Variants in FAM193B observed in about 807,000 individuals in gnomAD.
FAM193B encodes family with sequence similarity 193 member B, also known as protein FAM193B.
A neutral mutation model predicts 70.7 loss-of-function variants in FAM193B; 27 were observed. The ratio of observed to expected loss-of-function variants is 0.38; its 90% CI spans 0.28 to 0.53. FAM193B has a LOEUF of 0.53. FAM193B is among the 20% of genes least tolerant of loss of function. The pLI, the probability that FAM193B is intolerant of heterozygous loss-of-function variation, is 0.81. For missense variants in FAM193B, 1,022 were observed against 1,072.5 expected, an observed-to-expected ratio of 0.95 and a Z score of 0.66; for synonymous variants, 448 against 436.0, an observed-to-expected ratio of 1.03 and a Z score of -0.34.
chr5:177,520,087 A>G lies in FAM193B; in HGVS notation c.*96T>C. On this transcript the variant is annotated 3_prime_UTR_variant, in exon 9 of 9. Coordinates refer to ENST00000514747, the MANE Select transcript of FAM193B (RefSeq NM_001190946.3). ...TGGTGGGGAGCACAGAGGGTCTTGG[A>G]CGGGTAGGTGGGGCACACGGAGGGA... The G allele has an allele frequency of 6.6e-6, 1 of 152,502 alleles. No individual in the cohort carries two copies. The highest frequency in any genetic ancestry group is 1.5e-5 in the Non-Finnish European group (1 of 68,220). 9.4% of individuals were successfully genotyped at this position (152,502 alleles called of 1,614,324 possible).
Position 177,524,514 on chromosome 5 carries a change from G to A in FAM193B, c.1967C>T (p.Pro656Leu). 1 of 1,612,428 alleles carries A rather than the reference G, an allele frequency of 6.2e-7. No individual in the cohort carries two copies. The highest frequency in any genetic ancestry group is 2.2e-5 in the East Asian group (1 of 44,872). Residue 656 changes from proline to leucine, a missense_variant, in exon 6 of 9, where the codon CCA (proline) becomes CTA (leucine). Physicochemically the swap from Pro to Leu is moderately conservative, Grantham distance 98 (BLOSUM62 -3). Coordinates refer to ENST00000514747, the MANE Select transcript of FAM193B (RefSeq NM_001190946.3). ...GGCACTGGGAACCTCTAGGCTGGCT[G>A]GGGGCCGGGGGGCTGGGCTTGCCTC... The part of the protein sequence containing the change: ...KSEASPAPRP[P>L]ASLEVPSAKG...
intron 5 of FAM193B, among the ~76,000 whole-genome samples, chr5:177,529,785 C>G (rs751127899): frequency 6.6e-6 from 1 of 152,182 alleles, no homozygotes; most frequent in Non-Finnish European, 1.5e-5. Context: ...GGGGACCTAA[C>G]TGGGAACCAC....
intron 1 of FAM193B, among the ~76,000 whole-genome samples, chr5:177,542,770 A>G (rs1286397292): frequency 6.6e-6 from 1 of 152,064 alleles, no homozygotes; most frequent in Non-Finnish European, 1.5e-5. Flanking sequence ...CTCCTAGTAC[A>G]CTGTGCCTTG....
intron 5 of FAM193B, among the ~76,000 whole-genome samples, chr5:177,526,105 G>C (rs1335144963): frequency 6.6e-6 from 1 of 152,236 alleles, no homozygotes; most frequent in African/African-American, 2.4e-5. Flanking sequence ...CAGCTGGTGA[G>C]AGAAACCAGG....
At chr5:177,531,532 G>C (rs767300576) in intron 5 of FAM193B, 5 of 1,284,744 alleles carry the variant, frequency 3.9e-6, no homozygotes, top group East Asian at 5.2e-5. Context: ...CTGGGGGTGG[G>C]GGGGAGGTGC....
intron 8 of FAM193B, among the ~76,000 whole-genome samples, chr5:177,520,724 C>T (rs1356556349): frequency 6.6e-6 from 1 of 152,148 alleles, no homozygotes; most frequent in African/African-American, 2.4e-5. Flanking sequence ...AGATGAAGTG[C>T]CTGGGGTTCC....
intron 1 of FAM193B, among the ~76,000 whole-genome samples, chr5:177,548,207 G>A (rs181007243): frequency 1.3e-5 from 2 of 152,246 alleles, no homozygotes; most frequent in East Asian, 1.9e-4. Flanking sequence ...GTTTAAAAAC[G>A]TATCTCTAGA....
At chr5:177,543,600 A>G (rs2127482061) in intron 1 of FAM193B, among the ~76,000 whole-genome samples, 1 of 152,314 alleles carries the variant, frequency 6.6e-6, no homozygotes, top group South Asian at 2.1e-4. Context: ...TTCCTCTGCT[A>G]CTTTCATCTC....
intron 1 of FAM193B, among the ~76,000 whole-genome samples, chr5:177,550,052 C>A (rs1447818571): frequency 6.6e-6 from 1 of 152,078 alleles, no homozygotes; most frequent in Non-Finnish European, 1.5e-5. Context: ...TAGTGGCATG[C>A]ACATGTAGTC....
rs775178111 is a variant in FAM193B, at chr5:177,524,025, C to T, written c.2304G>A (p.Val768=). The part of the protein sequence containing the change: ...QEKPASSLDD[V]FLPKDMDGVE... ...CCCCGTCCATGTCCTTGGGCAGGAA[C>T]ACATCGTCTAGGAAGACACAGCCAG... The change falls in exon 7 of 9, where the codon GTG becomes GTA. Residue 768 remains valine, a synonymous_variant. Transcript: ENST00000514747. The T allele has an allele frequency of 2.1e-5, 34 of 1,614,100 alleles. No individual in the cohort carries two copies. The highest frequency in any genetic ancestry group is 2.9e-5 in the Non-Finnish European group (34 of 1,179,912).
chr5:177,538,110 G>A lies in FAM193B; in HGVS notation c.454-3C>T. 6.5e-7 allele frequency: 1 copy of A among 1,532,550 alleles called. No individual in the cohort carries two copies. The allele number at this position is 1,532,550 out of a possible 1,614,324, so 94.9% of individuals were successfully genotyped here. ...CAGGATGTGTGTGACAAGGAGATCTGGAGAAGGGGGAGGAAAAAGGCTCAC... is the reference window on the plus strand; with the variant it reads ...CAGGATGTGTGTGACAAGGAGATCTAGAGAAGGGGGAGGAAAAAGGCTCAC... On this transcript the variant is annotated splice_region_variant and splice_polypyrimidine_tract_variant and intron_variant, in intron 2 of 8. Transcript: ENST00000514747. This position sits in a 1 kb window ranked among gnomAD's most constrained non-coding sequence, Gnocchi z 4.1.
At chr5:177,521,923 G>A in intron 8 of FAM193B, 51 bp downstream of exon 8, 2 of 1,427,294 alleles carry the variant, frequency 1.4e-6, no homozygotes, top group Non-Finnish European at 2.0e-6. Context: ...TACAGAGAGG[G>A]TGGCCAAGCA....
At chr5:177,536,193 G>A in intron 4 of FAM193B, 165 bp downstream of exon 4, 1 of 761,418 alleles carries the variant, frequency 1.3e-6, no homozygotes. Flanking sequence ...GAGTATAGGT[G>A]TGAGCCACTG....
intron 1 of FAM193B, among the ~76,000 whole-genome samples, chr5:177,541,699 G>A (rs1380935858): frequency 3.9e-5 from 6 of 152,140 alleles, no homozygotes; most frequent in Admixed American, 1.3e-4. Context: ...GATTACAGGC[G>A]TGAGCCACTG....
chr5:177,530,665 A>C (rs968640607), intron 5 of FAM193B, among the ~76,000 whole-genome samples: 9 of 152,062 alleles, frequency 5.9e-5, no homozygotes, highest in Non-Finnish European at 1.2e-4. Flanking sequence ...ACCCTCAGTG[A>C]CTTCTCTCAC....
rs986089728 is a variant in FAM193B at position 177,540,226 on chromosome 5, G to T, written c.211-1079C>A. Among the ~76,000 whole-genome samples the T allele has an allele frequency of 6.0e-4, 90 of 149,582 alleles. 1 individual carries two copies. The highest frequency in any genetic ancestry group is 1.5e-3 in the Admixed American group (23 of 14,892). On this transcript the variant is annotated intron_variant, in intron 1 of 8. Transcript: ENST00000514747. ...GGAGGCTGGGGCAGGAGAATCGCTT[G>T]AACCTGGGAGGCGGAGCTTGCAGTG...
In FAM193B at chr5:177,537,983, C is replaced by A; in HGVS notation, c.578G>T (p.Trp193Leu). ...SSSCPGNSGD[W>L]DPSSFLSAHK... ...TGCCGACAGGAACGAGCTAGGATCC[C>A]AGTCTCCCGAGTTCCCAGGGCAGGA... The change falls in exon 3 of 9, where the codon TGG becomes TTG. Residue 193 changes from tryptophan (W) to leucine (L), a missense_variant. Coordinates refer to ENST00000514747, the MANE Select transcript of FAM193B (RefSeq NM_001190946.3). 6.4e-7 allele frequency: 1 copy of A among 1,561,020 alleles called. No individual in the cohort carries two copies. The highest frequency in any genetic ancestry group is 2.4e-5 in the East Asian group (1 of 41,728).
chr5:177,521,389 G>C (rs935963826), intron 8 of FAM193B, among the ~76,000 whole-genome samples: 1 of 152,234 alleles, frequency 6.6e-6, no homozygotes, highest in Admixed American at 6.5e-5. Flanking sequence ...CTGGCACCCA[G>C]GTCTCTTCCT....
chr5:177,541,243 C>T (rs1349603593), intron 1 of FAM193B, among the ~76,000 whole-genome samples: 1 of 152,136 alleles, frequency 6.6e-6, no homozygotes, highest in African/African-American at 2.4e-5. Flanking sequence ...GGAAACTTTC[C>T]ATAGCTACGA....
Sources: gnomAD v4.1 joint callset for allele counts (sites outside exome capture counted in the v4.1 genomes callset) on GRCh38, gnomAD v4.1.1 for gene constraint, Gnocchi (gnomAD v3.1) non-coding constraint, MANE v1.5 for transcripts, NCBI Gene and HGNC (gene_info 2026-07-23, HGNC 2026-07-21) for gene names.